NACC2: variants seen among roughly 807,000 people sequenced by gnomAD.
The protein encoded by NACC2 is NACC family member 2, also known as nucleus accumbens-associated protein 2.
In NACC2, 8 loss-of-function variants were observed where a neutral mutation model predicts 25.1. The ratio of observed to expected loss-of-function variants is 0.32; its 90% CI spans 0.19 to 0.57. The LOEUF is 0.57. Ranked by LOEUF, NACC2 falls within the 20% of genes least tolerant of loss-of-function variation. The pLI is 0.89. For synonymous variants in NACC2, 435 were observed against 294.7 expected, an observed-to-expected ratio of 1.48 and a Z score of -4.88; for missense variants, 644 against 650.2, an observed-to-expected ratio of 0.99 and a Z score of 0.10.
chr9:136,007,825 T>TGGGTG lies in NACC2; in HGVS notation c.*3686_*3690dup, dbSNP rs1840048061. The TGGGTG allele has an allele frequency of 1.3e-5, 2 of 152,256 alleles. No homozygotes were observed. Among genetic ancestry groups the TGGGTG allele is most frequent in the East Asian group, 1.9e-4 (1 of 5,186 alleles). 9.4% of individuals were successfully genotyped at this position (152,256 alleles called of 1,614,324 possible). On this transcript the variant is annotated 3_prime_UTR_variant, in exon 6 of 6. Transcript: ENST00000277554. Reference sequence around the variant, plus strand: ...GAGGGGAGCCCAGGCAGTACACGGCTGGGTGGGGTGGGGGGACTGGGCCAG... The same window carrying TGGGTG: ...GAGGGGAGCCCAGGCAGTACACGGCTGGGTGGGGTGGGGTGGGGGGACTGGGCCAG...
At chr9:136,017,228 G>T (rs1036489533) in intron 2 of NACC2, among the ~76,000 whole-genome samples, 1 of 152,178 alleles carries the variant, frequency 6.6e-6, no homozygotes, top group South Asian at 2.1e-4. Context: ...AGGACCTGCA[G>T]CTGTGCAGCG....
intron 2 of NACC2, among the ~76,000 whole-genome samples, chr9:136,035,192 G>A (rs1238201312): frequency 1.6e-4 from 25 of 151,962 alleles, no homozygotes; most frequent in Admixed American, 1.6e-3. Context: ...TGGATGGAAG[G>A]CTGAGGACAG....
At chr9:136,033,213 T>G (rs974750008) in intron 2 of NACC2, among the ~76,000 whole-genome samples, 52 of 151,430 alleles carry the variant, frequency 3.4e-4, no homozygotes, top group Admixed American at 2.0e-4. Context: ...AAATTCAAGA[T>G]AATCTGCAGG....
intron 2 of NACC2, among the ~76,000 whole-genome samples, chr9:136,032,676 C>T (rs890710832): frequency 2.0e-5 from 3 of 152,186 alleles, no homozygotes; most frequent in Non-Finnish European, 4.4e-5. Flanking sequence ...GCAGGCGGAT[C>T]ACTTGAGATC....
At position 136,011,838 on chromosome 9, in the gene NACC2, G is replaced by T; in HGVS notation, c.1442C>A (p.Pro481His). The T allele has an allele frequency of 1.3e-6, 2 of 1,565,542 alleles. No homozygotes were observed. Among genetic ancestry groups the T allele is most frequent in the South Asian group, 1.2e-5 (1 of 86,366 alleles). ...GSAAASVPLD[P>H]EFPPAAAQVF... is the part of the protein sequence containing the mutation. The stretch of plus-strand genomic sequence containing the variant: ...CTGTGCCGCGGCAGGCGGGAACTCG[G>T]GGTCGAGGGGCACGCTGGCGGCGGC... The change falls in exon 6 of 6, where the codon CCC becomes CAC. Residue 481 changes from proline (P) to histidine (H), a missense_variant. By Grantham distance (77) the Pro-to-His change is moderately conservative. Transcript: ENST00000277554.
chr9:136,092,539 C>T (rs1400532217), intron 1 of NACC2, among the ~76,000 whole-genome samples: 3 of 152,192 alleles, frequency 2.0e-5, no homozygotes. Flanking sequence ...CGCCTGGAAG[C>T]CCAGCCCCAG....
intron 1 of NACC2, among the ~76,000 whole-genome samples, chr9:136,074,401 C>T (rs1008301169): frequency 7.1e-6 from 1 of 140,990 alleles, no homozygotes; most frequent in Admixed American, 7.3e-5. Context: ...TGCAGTGAGC[C>T]GAGGTTGTGC....
At position 136,010,159 on chromosome 9, in the gene NACC2, T is replaced by C. The variant is rs891361876; in HGVS notation, c.*1357A>G. ...TCAAACCAAACAGCCCCATCTTCCA[T>C]GGGCCCTTCCTCCACTGTCCCTGGC... On this transcript the variant is annotated 3_prime_UTR_variant, in exon 6 of 6. Transcript: ENST00000277554. The surrounding 1 kb of genome is among the most constrained non-coding windows in gnomAD (Gnocchi z 4.9). The C allele has an allele frequency of 6.6e-6, 1 of 152,516 alleles. No individual in the cohort carries two copies. The highest frequency in any genetic ancestry group is 1.5e-5 in the Non-Finnish European group (1 of 68,276). 9.4% of individuals were successfully genotyped at this position (152,516 alleles called of 1,614,324 possible). A position where few individuals can be genotyped will look rare whatever the true frequency, so the allele number is the denominator to read the frequency against.
chr9:136,070,818 G>C (rs1178654317), intron 1 of NACC2, among the ~76,000 whole-genome samples: 2 of 151,858 alleles, frequency 1.3e-5, no homozygotes, highest in East Asian at 3.9e-4. Context: ...CAATAAAGTT[G>C]ACAAACATCT....
In NACC2 at chr9:136,013,786, A is replaced by G. The variant is rs1030291886; in HGVS notation, c.1157+78T>C. On this transcript the variant is annotated intron_variant, in intron 4 of 5. Coordinates refer to ENST00000277554, the MANE Select transcript of NACC2 (RefSeq NM_144653.5). The surrounding 1 kb of genome is among the most constrained non-coding windows in gnomAD (Gnocchi z 6.6). ...GCTTTCAATGCCACAACCCTGGACG[A>G]TCAGACAGCTCATAGCTAAAGGAGC... The G allele has an allele frequency of 2.3e-6, 3 of 1,304,348 alleles. No homozygotes were observed. The highest frequency in any genetic ancestry group is 3.8e-5 in the Admixed American group (2 of 52,200). 80.8% of individuals were successfully genotyped at this position (1,304,348 alleles called of 1,614,324 possible).
chr9:136,077,324 C>T (rs944505357), intron 1 of NACC2, among the ~76,000 whole-genome samples: 6 of 151,962 alleles, frequency 3.9e-5, no homozygotes, highest in East Asian at 3.9e-4. Context: ...AGCAAGACTC[C>T]GTCTCAAAAA....
In NACC2 at chr9:136,086,811, C is replaced by T. The variant is rs774020276; in HGVS notation, c.-60+8378G>A. On this transcript the variant is annotated intron_variant, in intron 1 of 5. Transcript: ENST00000277554. The surrounding 1 kb of genome is among the most constrained non-coding windows in gnomAD (Gnocchi z 5.6). ...GCCCATCCAGGTGCCATCCCAGCAG[C>T]GGCTGCTGTCTGTGCCTGGCTCCTC... 6.6e-5 allele frequency among the ~76,000 whole-genome samples: 10 copies of T among 152,006 alleles called. No homozygotes were observed. The highest frequency in any genetic ancestry group is 2.1e-4 in the South Asian group (1 of 4,826).
chr9:136,046,048 G>A (rs1840719210), intron 2 of NACC2, among the ~76,000 whole-genome samples: 1 of 152,326 alleles, frequency 6.6e-6, no homozygotes, highest in African/African-American at 2.4e-5. Context: ...GCGGGTACGC[G>A]AGGAAGAGGG....
intron 2 of NACC2, among the ~76,000 whole-genome samples, chr9:136,038,603 T>C (rs1374226739): frequency 1.3e-5 from 2 of 152,220 alleles, no homozygotes; most frequent in African/African-American, 2.4e-5. Flanking sequence ...GGAAATGTTA[T>C]AATATGTAAA....
chr9:136,057,662 A>G (rs1487397905), intron 1 of NACC2, among the ~76,000 whole-genome samples: 1 of 152,328 alleles, frequency 6.6e-6, no homozygotes, highest in African/African-American at 2.4e-5. Flanking sequence ...CTCCTCCCCC[A>G]GGGCTGCAGT....
chr9:136,035,448 C>T (rs889567329), intron 2 of NACC2, among the ~76,000 whole-genome samples: 7 of 152,064 alleles, frequency 4.6e-5, no homozygotes, highest in East Asian at 3.9e-4. Context: ...TAATGAACTG[C>T]GCTTTTCAAA....
At chr9:136,074,606 C>T (rs925496488) in intron 1 of NACC2, among the ~76,000 whole-genome samples, 1 of 151,738 alleles carries the variant, frequency 6.6e-6, no homozygotes, top group Non-Finnish European at 1.5e-5. Context: ...AACCATTCCT[C>T]GTTCTGTCAC....
At chr9:136,094,899 C>A (rs1365431292) in intron 1 of NACC2, among the ~76,000 whole-genome samples, 1 of 150,090 alleles carries the variant, frequency 6.7e-6, no homozygotes, top group East Asian at 2.0e-4. Context: ...GAGCCGGGGT[C>A]TCCCCGAACG....
chr9:136,083,133 C>T (rs59717576), intron 1 of NACC2, among the ~76,000 whole-genome samples: 11,633 of 152,272 alleles, frequency 0.076, 473 homozygotes, highest in Non-Finnish European at 0.091. Context: ...ATGCCAGAAA[C>T]GGGGCCACCC....
Sources: allele counts gnomAD v4.1 joint callset (sites outside exome capture counted in the v4.1 genomes callset), GRCh38; gene constraint gnomAD v4.1.1; non-coding constraint Gnocchi (gnomAD v3.1); transcripts MANE v1.5; gene names NCBI Gene and HGNC (gene_info 2026-07-23, HGNC 2026-07-21).